Variants in TBC1D5 observed in about 807,000 individuals in gnomAD.
TBC1D5 encodes TBC1 domain family member 5.
Under a neutral mutation model 100.3 loss-of-function variants are expected in TBC1D5, and 75 were observed. The ratio of observed to expected loss-of-function variants is 0.75; its 90% CI spans 0.62 to 0.91. The LOEUF (loss-of-function observed/expected upper bound fraction) is 0.91. Among genes scored for constraint, TBC1D5 ranks in the 40% least tolerant of loss-of-function variants. The probability of loss-of-function intolerance (pLI) is 0.00; values close to 1 mark genes in which losing one functional copy is unlikely to be tolerated. For missense variants in TBC1D5, 910 were observed against 942.4 expected (o/e 0.97, Z 0.45); for synonymous variants, 323 against 325.6 (o/e 0.99, Z 0.09).
intron 1 of TBC1D5, among the ~76,000 whole-genome samples, chr3:17,691,269 C>G (rs115511861): frequency 0.019 from 2,836 of 152,294 alleles, 44 homozygotes; most frequent in Non-Finnish European, 0.027. Flanking sequence ...CGATCCCTGG[C>G]ACTCCCACCA....
At chr3:17,701,317 G>A (rs1304613316) in intron 1 of TBC1D5, among the ~76,000 whole-genome samples, 1 of 152,066 alleles carries the variant, frequency 6.6e-6, no homozygotes, top group Non-Finnish European at 1.5e-5. Flanking sequence ...CACACACTGG[G>A]GCCTGTTAGG....
At chr3:17,269,521 C>T (rs1032336250) in intron 15 of TBC1D5, among the ~76,000 whole-genome samples, 1 of 151,994 alleles carries the variant, frequency 6.6e-6, no homozygotes. Flanking sequence ...TCATGGGGTA[C>T]ATGTACAGGT....
intron 8 of TBC1D5, among the ~76,000 whole-genome samples, chr3:17,391,503 GATTA>G (rs997510626): frequency 5.9e-5 from 9 of 151,860 alleles, no homozygotes; most frequent in African/African-American, 1.7e-4. Context: ...AATTTTGGTT[GATTA>G]ATTACGTAGC....
chr3:17,590,340 G>T (rs563107227), intron 2 of TBC1D5, among the ~76,000 whole-genome samples: 2 of 152,316 alleles, frequency 1.3e-5, no homozygotes, highest in South Asian at 4.1e-4. Context: ...TGCAGCTAGA[G>T]GAGTTAAAAC....
At position 17,255,326 on chromosome 3, in the gene TBC1D5, G is replaced by A. The variant is rs1413107393; in HGVS notation, c.1331+3180C>T. 5.3e-5 allele frequency among the ~76,000 whole-genome samples: 8 copies of A among 151,968 alleles called. No individual in the cohort carries two copies. In the East Asian group the frequency reaches 7.8e-4, roughly 15 times the overall value. On this transcript the variant is annotated intron_variant, in intron 16 of 21. Transcript: ENST00000253692. ...AGCGTTTCTACTGCCTCAGCCTCCC[G>A]AGTAGCTGGGACTACAGGCTAGTGC...
chr3:17,687,687 A>C (rs1440325944), intron 1 of TBC1D5, among the ~76,000 whole-genome samples: 1 of 152,184 alleles, frequency 6.6e-6, no homozygotes, highest in African/African-American at 2.4e-5. Context: ...AATTGCAGCT[A>C]ATCTACCTAC....
chr3:17,243,607 T>G (rs1294738150), intron 16 of TBC1D5, among the ~76,000 whole-genome samples: 1 of 152,044 alleles, frequency 6.6e-6, no homozygotes, highest in African/African-American at 2.4e-5. Context: ...TAAACAAAAT[T>G]TAACAAAGAT....
At chr3:17,473,463 T>C (rs1172333026) in intron 3 of TBC1D5, among the ~76,000 whole-genome samples, 5 of 152,218 alleles carry the variant, frequency 3.3e-5, no homozygotes, top group Non-Finnish European at 7.3e-5. Context: ...GTTGCAACAT[T>C]CATCCTTTAT....
chr3:17,588,496 A>C (rs981435081), intron 2 of TBC1D5, among the ~76,000 whole-genome samples: 1 of 152,176 alleles, frequency 6.6e-6, no homozygotes, highest in Non-Finnish European at 1.5e-5. Flanking sequence ...TTGTCAGTGT[A>C]TAAGTTACTG....
chr3:17,311,772 C>T (rs1019338722), intron 13 of TBC1D5, among the ~76,000 whole-genome samples: 6 of 151,948 alleles, frequency 3.9e-5, no homozygotes, highest in Non-Finnish European at 4.4e-5. Flanking sequence ...AACGTAGAAA[C>T]GTTACATTCA....
intron 1 of TBC1D5, among the ~76,000 whole-genome samples, chr3:17,671,083 A>T (rs2067882793): frequency 6.6e-6 from 1 of 152,250 alleles, no homozygotes; most frequent in African/African-American, 2.4e-5. Context: ...CGTATCTTCC[A>T]ATCATTAATT....
chr3:17,370,382 A>G (rs2092391010), intron 13 of TBC1D5, among the ~76,000 whole-genome samples: 1 of 152,202 alleles, frequency 6.6e-6, no homozygotes, highest in African/African-American at 2.4e-5. Context: ...AATTATTTGC[A>G]CAGTGGAGAG....
At chr3:17,397,790 A>T (rs1046264346) in intron 8 of TBC1D5, among the ~76,000 whole-genome samples, 4 of 152,190 alleles carry the variant, frequency 2.6e-5, no homozygotes, top group African/African-American at 9.6e-5. Context: ...AATACAAAAG[A>T]TCAAATATTG....
At chr3:17,285,716 A>G (rs1156443283) in intron 15 of TBC1D5, among the ~76,000 whole-genome samples, 1 of 152,194 alleles carries the variant, frequency 6.6e-6, no homozygotes, top group Non-Finnish European at 1.5e-5. Context: ...TTTATTTGAT[A>G]TTGACAAAAA....
chr3:17,168,131 C>G (rs982950568), intron 19 of TBC1D5, among the ~76,000 whole-genome samples: 1 of 152,172 alleles, frequency 6.6e-6, no homozygotes. Flanking sequence ...TGGCTGACAG[C>G]CTGGGCCATT....
chr3:17,539,142 C>T (rs1052698973), intron 2 of TBC1D5, among the ~76,000 whole-genome samples: 5 of 152,116 alleles, frequency 3.3e-5, no homozygotes, highest in Non-Finnish European at 5.9e-5. Context: ...GCCAAGATCG[C>T]ACCACTGCAA....
intron 2 of TBC1D5, among the ~76,000 whole-genome samples, chr3:17,533,889 C>CAGATAGATAGATAGATAGATAGAT (rs575715302): frequency 0.014 from 2,114 of 151,920 alleles, 33 homozygotes; most frequent in South Asian, 0.03. Context: ...ACCTATCATT[C>CAGATAGATAGATAGATAGATAGAT]AGATAGATAG....
intron 13 of TBC1D5, among the ~76,000 whole-genome samples, chr3:17,316,921 T>G (rs1401800320): frequency 6.6e-6 from 1 of 152,198 alleles, no homozygotes; most frequent in Non-Finnish European, 1.5e-5. Context: ...TTCCTAAACT[T>G]CAACAGTGTG....
At chr3:17,419,284 C>T (rs905703958) in intron 4 of TBC1D5, among the ~76,000 whole-genome samples, 6 of 152,156 alleles carry the variant, frequency 3.9e-5, no homozygotes, top group Non-Finnish European at 7.4e-5. Flanking sequence ...TTAGCTCCTG[C>T]AATAAGCCCC....
Sources: allele counts gnomAD v4.1 joint callset (sites outside exome capture counted in the v4.1 genomes callset), GRCh38; gene constraint gnomAD v4.1.1; transcripts MANE v1.5; gene names NCBI Gene and HGNC (gene_info 2026-07-23, HGNC 2026-07-21).